The following DGAT2 variants were observed in gnomAD, a reference collection of about 807,000 sequenced individuals.
DGAT2 encodes the protein acyl-CoA retinol O-fatty-acyltransferase.
A neutral mutation model predicts 48.4 loss-of-function variants in DGAT2; 33 were observed. The observed-to-expected ratio is 0.68, with a 90% CI of 0.52 to 0.91. DGAT2 has a LOEUF of 0.91. DGAT2 is among the 40% of genes least tolerant of loss of function. DGAT2 has a pLI of 0.00. For synonymous variants in DGAT2, 191 were observed against 194.1 expected (o/e 0.98, Z 0.13); for missense variants, 446 against 493.7 (o/e 0.90, Z 0.92).
At chr11:75,780,369 AC>A (rs1280854663) in intron 1 of DGAT2, among the ~76,000 whole-genome samples, 2 of 152,170 alleles carry the variant, frequency 1.3e-5, no homozygotes, top group African/African-American at 2.4e-5. Flanking sequence ...CGGTACCAGA[AC>A]TACTGCAAGA....
intron 1 of DGAT2, among the ~76,000 whole-genome samples, chr11:75,779,962 G>A (rs1001596732): frequency 2.0e-5 from 3 of 152,210 alleles, no homozygotes; most frequent in African/African-American, 7.2e-5. Context: ...CAGCTATGCA[G>A]TAAACCTCTA....
At chr11:75,797,863 CTG>C (rs1227687598) in intron 6 of DGAT2, among the ~76,000 whole-genome samples, 1 of 152,158 alleles carries the variant, frequency 6.6e-6, no homozygotes, top group Non-Finnish European at 1.5e-5. Context: ...TGTGCTGAGA[CTG>C]TGAAACAATG....
At chr11:75,771,592 G>A (rs551319616) in intron 1 of DGAT2, among the ~76,000 whole-genome samples, 1 of 152,176 alleles carries the variant, frequency 6.6e-6, no homozygotes, top group Non-Finnish European at 1.5e-5. Context: ...CCACATCACT[G>A]TGGATCTGCT....
intron 1 of DGAT2, among the ~76,000 whole-genome samples, chr11:75,778,339 C>T (rs1439869198): frequency 2.6e-5 from 4 of 152,194 alleles, no homozygotes; most frequent in African/African-American, 9.7e-5. Context: ...GGCGAAGCCT[C>T]ATGGCCTCCT....
rs911348816 is a variant in DGAT2, at chr11:75,801,311, G to A, written c.*803G>A. The A allele has an allele frequency of 6.6e-6, 1 of 152,652 alleles. No homozygotes were observed. Among genetic ancestry groups the A allele is most frequent in the African/African-American group, 2.4e-5 (1 of 41,432 alleles). The allele number at this position is 152,652 out of a possible 1,614,324, so 9.5% of individuals were successfully genotyped here. A position where few individuals can be genotyped will look rare whatever the true frequency, so the allele number is the denominator to read the frequency against. ...CCAGATCCTAGATTCTGGATGTGAG[G>A]AAGAGATCCCTCTTCAGAAGGGGCC... On this transcript the variant is annotated 3_prime_UTR_variant, in exon 8 of 8. Coordinates refer to ENST00000228027, the MANE Select transcript of DGAT2 (RefSeq NM_032564.5).
intron 1 of DGAT2, among the ~76,000 whole-genome samples, chr11:75,778,811 G>T (rs1415270472): frequency 6.8e-6 from 1 of 146,392 alleles, no homozygotes. Flanking sequence ...TCCAGCCTGG[G>T]CGACAGATCG....
Position 75,769,102 on chromosome 11 carries a change from TG to T in DGAT2, c.114del (p.Arg39AspfsTer107). 1 of 1,568,554 alleles carries T rather than the reference TG, an allele frequency of 6.4e-7. No homozygotes were observed. Among genetic ancestry groups the T allele is most frequent in the Admixed American group, 1.9e-5 (1 of 52,202 alleles). On this transcript the variant is annotated frameshift_variant, in exon 1 of 8. Transcript: ENST00000228027. LOFTEE classifies it high-confidence loss of function. Reference sequence around the variant, plus strand: ...GACCTGCGCTGTCGCGCGAGGGGTCTGGGAGATGGGGTGAGTGCCACGGCGC... The same window carrying T: ...GACCTGCGCTGTCGCGCGAGGGGTCTGGAGATGGGGTGAGTGCCACGGCGC... ...GGPALSREGS[G>X]RWGTGSSILS...
chr11:75,770,934 G>A (rs750287275), intron 1 of DGAT2, among the ~76,000 whole-genome samples: 16 of 152,152 alleles, frequency 1.1e-4, no homozygotes, highest in Non-Finnish European at 2.2e-4. Flanking sequence ...GGAGGGCACT[G>A]AAGCACATTT....
chr11:75,790,096 T>G, intron 2 of DGAT2, 92 bp from the exon 3 acceptor site: 3 of 937,156 alleles, frequency 3.2e-6, no homozygotes, highest in Non-Finnish European at 5.2e-6. Flanking sequence ...TGTGCCTAGC[T>G]TAGTGCCACA....
At chr11:75,788,975 A>G (rs902573663) in intron 2 of DGAT2, among the ~76,000 whole-genome samples, 4 of 152,196 alleles carry the variant, frequency 2.6e-5, no homozygotes, top group African/African-American at 9.7e-5. Flanking sequence ...ATGGAAAGAG[A>G]GAAGCCCTGC....
chr11:75,778,218 T>C (rs1375557129), intron 1 of DGAT2, among the ~76,000 whole-genome samples: 1 of 152,172 alleles, frequency 6.6e-6, no homozygotes, highest in Non-Finnish European at 1.5e-5. Flanking sequence ...TTCTTGAGTA[T>C]TTGGGTCTGC....
At chr11:75,789,289 C>T (rs1336876695) in intron 2 of DGAT2, among the ~76,000 whole-genome samples, 1 of 152,180 alleles carries the variant, frequency 6.6e-6, no homozygotes, top group Admixed American at 6.5e-5. Context: ...GCTGGGACTA[C>T]AGGCACATGC....
rs1261079550 is a variant in DGAT2 at position 75,798,368 on chromosome 11, A to T, written c.951A>T (p.Arg317=). The change falls in exon 7 of 8, where the codon CGA becomes CGT. Residue 317 remains arginine (R), a synonymous_variant. Coordinates refer to ENST00000228027, the MANE Select transcript of DGAT2 (RefSeq NM_032564.5). ...TCGCCCCATGCATCTTCCATGGTCG[A>T]GGCCTCTTCTCCTCCGACACCTGGG... ...IGFAPCIFHG[R]GLFSSDTWGL... 3 of 1,613,958 alleles carry T rather than the reference A, an allele frequency of 1.9e-6. No homozygotes were observed. The African/African-American group carries it at 4.0e-5, about 22-fold the overall frequency.
chr11:75,778,833 CAAAAAAA>C (rs746636359), intron 1 of DGAT2, among the ~76,000 whole-genome samples: 2 of 68,466 alleles, frequency 2.9e-5, no homozygotes, highest in Non-Finnish European at 6.5e-5. Context: ...GACTCCGTCT[CAAAAAAA>C]AAAAAAAAAA....
chr11:75,796,870 T>C (rs535600237), intron 5 of DGAT2: 1 of 447,100 alleles, frequency 2.2e-6, no homozygotes, highest in East Asian at 3.7e-5. Context: ...ACTGATGCAT[T>C]GGGATCCCCA....
chr11:75,778,187 T>C (rs1437492111), intron 1 of DGAT2, among the ~76,000 whole-genome samples: 1 of 151,646 alleles, frequency 6.6e-6, no homozygotes, highest in Non-Finnish European at 1.5e-5. Flanking sequence ...TTTCAGGCAG[T>C]CACTCACCCC....
chr11:75,781,848 G>A (rs923262422), intron 1 of DGAT2, among the ~76,000 whole-genome samples: 2 of 152,202 alleles, frequency 1.3e-5, no homozygotes, highest in African/African-American at 2.4e-5. Context: ...ACAAGATGGC[G>A]TGCGTTTCCT....
intron 2 of DGAT2, among the ~76,000 whole-genome samples, chr11:75,788,712 A>G (rs1239891851): frequency 6.6e-6 from 1 of 152,148 alleles, no homozygotes; most frequent in African/African-American, 2.4e-5. Context: ...ACCACCAGGG[A>G]ATGGGCACAC....
At chr11:75,800,172 G>T (rs2135783235) in intron 7 of DGAT2, among the ~76,000 whole-genome samples, 182 bp from the exon 8 acceptor site, 1 of 152,320 alleles carries the variant, frequency 6.6e-6, no homozygotes, top group Middle Eastern at 3.4e-3. Flanking sequence ...CCCTTCACAT[G>T]CCCCTGGGCC....
Sources: gnomAD v4.1 joint callset for allele counts (sites outside exome capture counted in the v4.1 genomes callset) on GRCh38, gnomAD v4.1.1 for gene constraint, MANE v1.5 for transcripts, NCBI Gene and HGNC (gene_info 2026-07-23, HGNC 2026-07-21) for gene names.